DZANK1: variants seen among roughly 807,000 people sequenced by gnomAD.
DZANK1 encodes double zinc ribbon and ankyrin repeat domains 1.
A neutral mutation model predicts 94.5 loss-of-function variants in DZANK1; 91 were observed. The observed-to-expected ratio is 0.96, with a 90% CI of 0.81 to 1.15. The LOEUF is 1.15. DZANK1 is among the 50% of genes most tolerant of loss of function. The pLI, the probability that DZANK1 is intolerant of heterozygous loss-of-function variation, is 0.00. For synonymous variants in DZANK1, 312 were observed against 325.3 expected, an observed-to-expected ratio of 0.96 and a Z score of 0.44; for missense variants, 903 against 916.4, an observed-to-expected ratio of 0.99 and a Z score of 0.19.
chr20:18,422,651 C>T (rs1404402044), intron 10 of DZANK1, among the ~76,000 whole-genome samples: 1 of 152,078 alleles, frequency 6.6e-6, no homozygotes, highest in Non-Finnish European at 1.5e-5. Context: ...GTCCCATCAT[C>T]AAGATATCTC....
intron 8 of DZANK1, 33 bp from the exon 9 acceptor site, chr20:18,433,798 C>T (rs1345472244): frequency 6.3e-7 from 1 of 1,576,450 alleles, no homozygotes; most frequent in East Asian, 2.2e-5. Context: ...TTATCTTGCA[C>T]ATAAAAACTG....
chr20:18,452,691 T>C (rs41276436), intron 5 of DZANK1: 178,200 of 1,605,444 alleles, frequency 0.11, 11,510 homozygotes, highest in East Asian at 0.32. Flanking sequence ...CTCTGAAAAG[T>C]GAAGATCTTT....
chr20:18,460,324 G>A lies in DZANK1; in HGVS notation c.110-18C>T. The A allele has an allele frequency of 6.7e-7, 1 of 1,489,926 alleles. No individual in the cohort carries two copies. Among genetic ancestry groups the A allele is most frequent in the Non-Finnish European group, 9.1e-7 (1 of 1,102,326 alleles). The allele number at this position is 1,489,926 out of a possible 1,614,324, so 92.3% of individuals were successfully genotyped here. A position where few individuals can be genotyped will look rare whatever the true frequency, so the allele number is the denominator to read the frequency against. Reference sequence around the variant, plus strand: ...TGGAGTGTCTGAAAAATCCAAAACAGGATAACTATAATTAACACCAAAGTA... The same window carrying A: ...TGGAGTGTCTGAAAAATCCAAAACAAGATAACTATAATTAACACCAAAGTA... On this transcript the variant is annotated intron_variant, in intron 2 of 20. Transcript: ENST00000262547.
Position 18,455,381 on chromosome 20 carries a change from A to G in DZANK1, c.264-20T>C, listed in dbSNP as rs769528227. On this transcript the variant is annotated intron_variant, in intron 3 of 20. Transcript: ENST00000262547. Reference sequence around the variant, plus strand: ...CAGTCTCTGAAAATTATTATTAAGAAAGGAAAAAGTCTGTGTTACACAAAG... The same window carrying G: ...CAGTCTCTGAAAATTATTATTAAGAGAGGAAAAAGTCTGTGTTACACAAAG... 3 of 1,541,542 alleles carry G rather than the reference A, an allele frequency of 1.9e-6. No homozygotes were observed. The highest frequency in any genetic ancestry group is 1.4e-5 in the African/African-American group (1 of 73,250).
intron 10 of DZANK1, among the ~76,000 whole-genome samples, chr20:18,417,175 T>C (rs2057535618): frequency 6.6e-6 from 1 of 152,216 alleles, no homozygotes; most frequent in African/African-American, 2.4e-5. Flanking sequence ...TCCTGTGGCA[T>C]CTAAGCTCTG....
At chr20:18,450,699 A>G (rs2059067928) in intron 6 of DZANK1, among the ~76,000 whole-genome samples, 1 of 152,244 alleles carries the variant, frequency 6.6e-6, no homozygotes, top group Non-Finnish European at 1.5e-5. Context: ...GTGAGCAGCC[A>G]TGCAATCATG....
At chr20:18,456,683 G>A (rs932251084) in intron 3 of DZANK1, among the ~76,000 whole-genome samples, 31 of 142,012 alleles carry the variant, frequency 2.2e-4, no homozygotes, top group Non-Finnish European at 2.7e-4. Flanking sequence ...GTCATCTTAC[G>A]TGTCTGGATT....
At chr20:18,402,470 C>T (rs962352883) in intron 13 of DZANK1, among the ~76,000 whole-genome samples, 1 of 152,102 alleles carries the variant, frequency 6.6e-6, no homozygotes, top group Non-Finnish European at 1.5e-5. Flanking sequence ...TGAGCATGCA[C>T]ACAACTTCCA....
intron 10 of DZANK1, among the ~76,000 whole-genome samples, chr20:18,419,709 G>A (rs949540356): frequency 1.3e-5 from 2 of 152,072 alleles, no homozygotes; most frequent in Non-Finnish European, 1.5e-5. Flanking sequence ...GAATGAAGTT[G>A]AAATAAAGAC....
intron 13 of DZANK1, among the ~76,000 whole-genome samples, chr20:18,400,308 C>A (rs2056600699): frequency 6.6e-6 from 1 of 152,154 alleles, no homozygotes. Flanking sequence ...CCCTGGGCAA[C>A]TGGGGCCCGA....
chr20:18,389,866 C>T, intron 18 of DZANK1, 38 bp from the exon 19 acceptor site: 1 of 1,611,492 alleles, frequency 6.2e-7, no homozygotes, highest in Non-Finnish European at 8.5e-7. Flanking sequence ...TCCAAAACAC[C>T]CTGCACTCAA....
exon 16 of DZANK1, chr20:18,394,272 C>T (rs760260633): frequency 9.9e-6 from 16 of 1,613,562 alleles, no homozygotes; most frequent in Non-Finnish European, 1.3e-5. Flanking sequence ...GACCTGCTGC[C>T]GCACAGCCCC....
chr20:18,415,323 C>T lies in DZANK1; in HGVS notation c.1077+4G>A, dbSNP rs754117756. The T allele has an allele frequency of 1.3e-6, 2 of 1,531,430 alleles. No individual in the cohort carries two copies. Among genetic ancestry groups the T allele is most frequent in the Admixed American group, 2.0e-5 (1 of 49,880 alleles). 94.9% of individuals were successfully genotyped at this position (1,531,430 alleles called of 1,614,324 possible). ...ATACAGAATCTCAGTTTTAAAATAC[C>T]CACCATGGCTCCACACCAGCCGCAG... On this transcript the variant is annotated splice_donor_region_variant and intron_variant, in intron 11 of 20. Transcript: ENST00000262547.
intron 13 of DZANK1, among the ~76,000 whole-genome samples, chr20:18,407,409 C>A (rs1330183697): frequency 6.6e-6 from 1 of 152,220 alleles, no homozygotes; most frequent in Non-Finnish European, 1.5e-5. Context: ...GGCTTGGGGT[C>A]CAAGTCCCTT....
intron 13 of DZANK1, among the ~76,000 whole-genome samples, chr20:18,405,803 C>A (rs566710694): frequency 6.6e-6 from 1 of 152,200 alleles, no homozygotes; most frequent in Non-Finnish European, 1.5e-5. Context: ...GCAGGAGAGA[C>A]GGTCTTGAAT....
chr20:18,437,906 C>T (rs1377147229), intron 8 of DZANK1, among the ~76,000 whole-genome samples: 4 of 152,010 alleles, frequency 2.6e-5, no homozygotes, highest in African/African-American at 9.7e-5. Flanking sequence ...AAATGGCACA[C>T]TAAAAGTAAC....
At chr20:18,427,024 T>C (rs770706185) in intron 10 of DZANK1, 43 bp downstream of exon 10, 8 of 1,401,830 alleles carry the variant, frequency 5.7e-6, no homozygotes, top group Non-Finnish European at 8.0e-6. Context: ...AACATTGACA[T>C]AGTAGCCACT....
At chr20:18,451,498 C>T (rs1360291672) in intron 6 of DZANK1, among the ~76,000 whole-genome samples, 1 of 152,184 alleles carries the variant, frequency 6.6e-6, no homozygotes, top group Non-Finnish European at 1.5e-5. Context: ...ACTTTCTGTT[C>T]AGCCTTGACT....
intron 10 of DZANK1, among the ~76,000 whole-genome samples, chr20:18,426,759 C>T (rs1213074690): frequency 3.3e-5 from 5 of 152,176 alleles, no homozygotes; most frequent in Non-Finnish European, 7.3e-5. Context: ...CAAAGACATA[C>T]CTGTCTGTAA....
Sources: gnomAD v4.1 joint callset for allele counts (sites outside exome capture counted in the v4.1 genomes callset) on GRCh38, gnomAD v4.1.1 for gene constraint, MANE v1.5 for transcripts, NCBI Gene and HGNC (gene_info 2026-07-23, HGNC 2026-07-21) for gene names.